The following KCNIP4 variants were observed in gnomAD, a reference collection of about 807,000 sequenced individuals.
The protein encoded by KCNIP4 is Kv channel-interacting protein 4.
Under a neutral mutation model 34.0 loss-of-function variants are expected in KCNIP4, and 12 were observed. The observed-to-expected ratio is 0.35, with a 90% CI of 0.23 to 0.57. KCNIP4 has a LOEUF of 0.57. Ranked by LOEUF, KCNIP4 falls within the 20% of genes least tolerant of loss-of-function variation. The pLI, the probability that KCNIP4 is intolerant of heterozygous loss-of-function variation, is 0.83. For missense variants in KCNIP4, 238 were observed against 311.7 expected, an observed-to-expected ratio of 0.76 and a Z score of 1.78; for synonymous variants, 124 against 102.2, an observed-to-expected ratio of 1.21 and a Z score of -1.29.
At chr4:21,277,886 A>T (rs1248021306) in intron 1 of KCNIP4, among the ~76,000 whole-genome samples, 1 of 152,226 alleles carries the variant, frequency 6.6e-6, no homozygotes, top group African/African-American at 2.4e-5. Flanking sequence ...ACCTGGATAA[A>T]GATAAAATGC....
chr4:21,582,347 T>C (rs1342100867), intron 1 of KCNIP4: 1 of 151,960 alleles, frequency 6.6e-6, no homozygotes, highest in Admixed American at 6.6e-5. Flanking sequence ...GGAAGATGCA[T>C]TTTGCCTTCC....
intron 1 of KCNIP4, among the ~76,000 whole-genome samples, chr4:21,473,060 C>G (rs764362412): frequency 6.6e-6 from 1 of 152,134 alleles, no homozygotes; most frequent in Non-Finnish European, 1.5e-5. Flanking sequence ...CAAGTTGAAC[C>G]TGATCTCTTT....
At position 21,137,806 on chromosome 4, in the gene KCNIP4, G is replaced by T. The variant is rs2874891; in HGVS notation, c.62-255097C>A. The stretch of plus-strand genomic sequence containing the variant: ...AAACTCTAGATGTTATTATGAACAC[G>T]TTTAGAAATAATAGTTAATAAAACA... On this transcript the variant is annotated intron_variant, in intron 1 of 8. Transcript: ENST00000382152. 2.0e-5 allele frequency among the ~76,000 whole-genome samples: 3 copies of T among 149,330 alleles called. No homozygotes were observed. The South Asian group carries it at 6.4e-4, about 32-fold the overall frequency.
At chr4:21,843,311 T>G (rs1723799667) in intron 1 of KCNIP4, 1 of 152,094 alleles carries the variant, frequency 6.6e-6, no homozygotes, top group Non-Finnish European at 1.5e-5. Flanking sequence ...TCCATTAGCA[T>G]TATATAACTG....
intron 1 of KCNIP4, among the ~76,000 whole-genome samples, chr4:21,683,762 T>C (rs1452329735): frequency 6.6e-6 from 1 of 152,130 alleles, no homozygotes; most frequent in Non-Finnish European, 1.5e-5. Flanking sequence ...CAATGCTTAC[T>C]TTAAAGAAGA....
chr4:21,280,044 T>A (rs1427185304), intron 1 of KCNIP4, among the ~76,000 whole-genome samples: 3 of 152,204 alleles, frequency 2.0e-5, no homozygotes, highest in South Asian at 4.1e-4. Flanking sequence ...CAGTTTCTAG[T>A]CACTCAGTTT....
chr4:21,621,780 G>A (rs1053975980), intron 1 of KCNIP4, among the ~76,000 whole-genome samples: 8 of 152,082 alleles, frequency 5.3e-5, no homozygotes, highest in Non-Finnish European at 1.2e-4. Flanking sequence ...GTCTGCTAGA[G>A]GTACATTATA....
chr4:20,803,240 A>C (rs1265680759), intron 3 of KCNIP4, among the ~76,000 whole-genome samples: 1 of 151,800 alleles, frequency 6.6e-6, no homozygotes, highest in Non-Finnish European at 1.5e-5. Flanking sequence ...CTAACATTAT[A>C]CCTAAAGGAA....
chr4:20,984,654 G>A (rs908522023), intron 1 of KCNIP4, among the ~76,000 whole-genome samples: 1 of 152,210 alleles, frequency 6.6e-6, no homozygotes, highest in Non-Finnish European at 1.5e-5. Flanking sequence ...GGTCTCCGCT[G>A]TCACGTCGGG....
intron 1 of KCNIP4, among the ~76,000 whole-genome samples, chr4:21,040,868 A>G (rs902222274): frequency 1.3e-5 from 2 of 151,118 alleles, no homozygotes; most frequent in African/African-American, 4.9e-5. Context: ...TCTAAGTGGA[A>G]TTTTTTTTAC....
At chr4:21,864,740 C>G (rs1384810902) in intron 1 of KCNIP4, among the ~76,000 whole-genome samples, 2 of 152,156 alleles carry the variant, frequency 1.3e-5, no homozygotes, top group Admixed American at 1.3e-4. Context: ...AAAGAAAGAG[C>G]TCCCAGAATC....
intron 1 of KCNIP4, among the ~76,000 whole-genome samples, chr4:21,391,361 C>T (rs906158110): frequency 6.6e-6 from 1 of 152,074 alleles, no homozygotes; most frequent in African/African-American, 2.4e-5. Context: ...GAGGCAGATA[C>T]AGGATTAGGA....
At chr4:21,872,997 C>T (rs1725900927) in intron 1 of KCNIP4, among the ~76,000 whole-genome samples, 3 of 152,068 alleles carry the variant, frequency 2.0e-5, no homozygotes, top group Admixed American at 1.3e-4. Context: ...CCATTAGCTC[C>T]AATATTCATG....
chr4:21,053,679 A>T (rs956187462), intron 1 of KCNIP4, among the ~76,000 whole-genome samples: 14 of 152,224 alleles, frequency 9.2e-5, no homozygotes, highest in Admixed American at 5.2e-4. Context: ...AGGATACAAG[A>T]TTAGTTTATA....
intron 1 of KCNIP4, among the ~76,000 whole-genome samples, chr4:21,842,521 T>C (rs1047144550): frequency 7.9e-5 from 12 of 152,184 alleles, no homozygotes; most frequent in African/African-American, 2.7e-4. Context: ...ACAAGTACTT[T>C]GACACTAGAT....
intron 1 of KCNIP4, among the ~76,000 whole-genome samples, chr4:21,235,299 G>A (rs1288892434): frequency 6.6e-6 from 1 of 152,058 alleles, no homozygotes; most frequent in Non-Finnish European, 1.5e-5. Flanking sequence ...CCAGGATAAG[G>A]CTCCTGTGCT....
chr4:21,455,625 GT>G (rs200924043), intron 1 of KCNIP4, among the ~76,000 whole-genome samples: 4,989 of 139,986 alleles, frequency 0.036, 270 homozygotes, highest in African/African-American at 0.12. Flanking sequence ...GAAACTGAAG[GT>G]TTTTTTTTTT....
At chr4:21,459,010 C>T (rs535546641) in intron 1 of KCNIP4, among the ~76,000 whole-genome samples, 148 of 152,168 alleles carry the variant, frequency 9.7e-4, no homozygotes, top group African/African-American at 3.2e-3. Context: ...ATTTCCCCTA[C>T]GTTATCACTG....
intron 1 of KCNIP4, among the ~76,000 whole-genome samples, chr4:20,936,546 C>G (rs186431600): frequency 6.6e-6 from 1 of 151,024 alleles, no homozygotes; most frequent in East Asian, 1.9e-4. Context: ...ACTCTGAGTC[C>G]AGTACCCTAG....
Sources: gnomAD v4.1 joint callset for allele counts (sites outside exome capture counted in the v4.1 genomes callset) on GRCh38, gnomAD v4.1.1 for gene constraint, MANE v1.5 for transcripts, NCBI Gene and HGNC (gene_info 2026-07-23, HGNC 2026-07-21) for gene names.